Variants in ARHGEF12 observed in about 807,000 individuals in gnomAD.
ARHGEF12 encodes the protein Rho guanine nucleotide exchange factor 12.
In ARHGEF12, 66 loss-of-function variants were observed where a neutral mutation model predicts 211.2. The observed-to-expected ratio is 0.31, with a 90% confidence interval of 0.26 to 0.38. The LOEUF is 0.38. ARHGEF12 is among the 10% of genes least tolerant of loss of function. The probability of loss-of-function intolerance (pLI) is 1.00; values close to 1 mark genes in which losing one functional copy is unlikely to be tolerated. For missense variants in ARHGEF12, 1,429 were observed against 1,869.5 expected, an observed-to-expected ratio of 0.76 and a Z score of 4.34; for synonymous variants, 592 against 638.4, an observed-to-expected ratio of 0.93 and a Z score of 1.09.
chr11:120,337,361 C>T, intron 1 of ARHGEF12, 86 bp downstream of exon 1: 3 of 1,600,684 alleles, frequency 1.9e-6, no homozygotes, highest in Non-Finnish European at 2.6e-6. Flanking sequence ...TGCCTTTGGC[C>T]AGCGAAGTTG....
At chr11:120,463,621 G>A (rs1404621182) in intron 27 of ARHGEF12, 2 of 150,904 alleles carry the variant, frequency 1.3e-5, no homozygotes, top group South Asian at 4.2e-4. Context: ...GCTTTTTGTA[G>A]TTGTGTGGTG....
chr11:120,440,076 C>A, intron 12 of ARHGEF12, 53 bp from the exon 13 acceptor site: 4 of 1,312,700 alleles, frequency 3.0e-6, no homozygotes, highest in Non-Finnish European at 4.4e-6. Context: ...TATTCTTTTT[C>A]TAAATTTGAC....
At position 120,480,006 on chromosome 11, in the gene ARHGEF12, G is replaced by A. The variant is rs375035038; in HGVS notation, c.3813G>A (p.Glu1271=). 141 of 1,614,024 alleles carry A rather than the reference G, an allele frequency of 8.7e-5. No individual in the cohort carries two copies. The highest frequency in any genetic ancestry group is 1.2e-4 in the Non-Finnish European group (137 of 1,180,032). The part of the protein sequence containing the change: ...QLLVQQLGLT[E]KSVQEDWQHF... ...TGGTGCAACAGCTAGGTTTGACTGA[G>A]AAGAGCGTTCAGGAAGACTGGCAAC... Residue 1271 remains glutamate (E), a synonymous_variant, in exon 38 of 41, where the codon GAG becomes GAA. Transcript: ENST00000397843.
chr11:120,397,605 T>C (rs1944428688), intron 1 of ARHGEF12, among the ~76,000 whole-genome samples: 1 of 152,212 alleles, frequency 6.6e-6, no homozygotes, highest in South Asian at 2.1e-4. Flanking sequence ...CAAGAATTAT[T>C]TAGAACTATG....
At chr11:120,366,348 G>A (rs1017897044) in intron 1 of ARHGEF12, among the ~76,000 whole-genome samples, 2 of 152,118 alleles carry the variant, frequency 1.3e-5, no homozygotes, top group African/African-American at 4.8e-5. Flanking sequence ...AGTAGAGACA[G>A]GGTCTCACTA....
chr11:120,421,429 GTTTTTTTTTTTTGTTTT>G (rs1222329063), intron 5 of ARHGEF12, among the ~76,000 whole-genome samples: 1 of 79,858 alleles, frequency 1.3e-5, no homozygotes, highest in Non-Finnish European at 2.4e-5. Context: ...TTACAGCCTT[GTTTTTTTTTTTTGTTTT>G]TTTTTTTTTG....
chr11:120,458,154 C>T lies in ARHGEF12; in HGVS notation c.2300C>T (p.Pro767Leu), dbSNP rs758851913. The T allele has an allele frequency of 1.9e-6, 3 of 1,611,424 alleles. No homozygotes were observed. Among genetic ancestry groups the T allele is most frequent in the South Asian group, 1.1e-5 (1 of 90,200 alleles). ...QFENDLETDP[P>L]NWQQLVSREV... ...GAAAATGACTTAGAGACAGATCCAC[C>T]CAACTGGCAGCAGCTTGTTAGTCGA... Residue 767 changes from proline (P) to leucine (L), a missense_variant, in exon 25 of 41, where the codon CCC becomes CTC. Transcript: ENST00000397843.
chr11:120,438,975 C>T (rs1244982356), intron 12 of ARHGEF12: 3 of 152,136 alleles, frequency 2.0e-5, no homozygotes, highest in Non-Finnish European at 4.4e-5. Flanking sequence ...ACTTTGGCCT[C>T]CCAAGTAGCT....
Position 120,391,543 on chromosome 11 carries a change from T to C in ARHGEF12, c.33-14575T>C, listed in dbSNP as rs527380168. On this transcript the variant is annotated intron_variant, in intron 1 of 40. Transcript: ENST00000397843. ...TCTAGCCTATAAATGCTGTTCTGTC[T>C]CTGTGAAAAGCCCTGACATCAGCTC... is the stretch of plus-strand genomic sequence containing the variant. 7.9e-5 allele frequency among the ~76,000 whole-genome samples: 12 copies of C among 152,346 alleles called. No individual in the cohort carries two copies. In the South Asian group the frequency reaches 2.1e-3, roughly 26 times the overall value.
intron 18 of ARHGEF12, chr11:120,447,358 A>G: frequency 3.0e-6 from 1 of 334,074 alleles, no homozygotes; most frequent in Non-Finnish European, 5.4e-6. Flanking sequence ...ATTATTTTCA[A>G]TTTATAGGCC....
At chr11:120,377,598 G>A (rs1366624013) in intron 1 of ARHGEF12, among the ~76,000 whole-genome samples, 1 of 152,116 alleles carries the variant, frequency 6.6e-6, no homozygotes, top group Non-Finnish European at 1.5e-5. Flanking sequence ...CCCCTGCGAA[G>A]TGCTGGGATT....
At chr11:120,347,199 T>G (rs1404369869) in intron 1 of ARHGEF12, among the ~76,000 whole-genome samples, 9 of 133,324 alleles carry the variant, frequency 6.8e-5, no homozygotes, top group Admixed American at 2.2e-4. Context: ...TTTCTTTCTT[T>G]CTTTCTCTTT....
intron 31 of ARHGEF12, 39 bp from the exon 32 acceptor site, chr11:120,474,521 T>C: frequency 6.7e-7 from 1 of 1,482,338 alleles, no homozygotes; most frequent in Non-Finnish European, 9.4e-7. Flanking sequence ...TACTGAGTGC[T>C]TGGAAATTAT....
intron 6 of ARHGEF12, among the ~76,000 whole-genome samples, chr11:120,422,641 A>G (rs1945226200): frequency 1.3e-5 from 2 of 152,100 alleles, no homozygotes. Context: ...AATCCAAAAC[A>G]CTTCTTCTGG....
At chr11:120,422,511 A>C (rs748779440) in intron 6 of ARHGEF12, among the ~76,000 whole-genome samples, 5 of 152,234 alleles carry the variant, frequency 3.3e-5, no homozygotes, top group Non-Finnish European at 7.3e-5. Flanking sequence ...AAAATGTATA[A>C]AACTACCTTC....
At chr11:120,465,068 C>A in intron 27 of ARHGEF12, 169 bp from the exon 28 acceptor site, 1 of 805,730 alleles carries the variant, frequency 1.2e-6, no homozygotes, top group Non-Finnish European at 2.0e-6. Context: ...CTGGTTGTGT[C>A]AAGATCAGAC....
intron 23 of ARHGEF12, chr11:120,457,507 G>A (rs1946398332): frequency 2.3e-6 from 1 of 439,740 alleles, no homozygotes; most frequent in African/African-American, 2.0e-5. Flanking sequence ...TAAGTTGGGT[G>A]CATAAAAGAA....
intron 29 of ARHGEF12, among the ~76,000 whole-genome samples, chr11:120,468,166 G>C (rs928056965): frequency 2.6e-5 from 4 of 152,198 alleles, no homozygotes; most frequent in Non-Finnish European, 4.4e-5. Context: ...TTTCTCAGCT[G>C]AGCTTTAGGT....
chr11:120,429,574 T>C, intron 9 of ARHGEF12, 57 bp downstream of exon 9: 1 of 1,587,348 alleles, frequency 6.3e-7, no homozygotes, highest in East Asian at 2.2e-5. Flanking sequence ...GTGGGCATGG[T>C]TGAGTTGGTG....
Sources: gnomAD v4.1 joint callset for allele counts (sites outside exome capture counted in the v4.1 genomes callset) on GRCh38, gnomAD v4.1.1 for gene constraint, MANE v1.5 for transcripts, NCBI Gene and HGNC (gene_info 2026-07-23, HGNC 2026-07-21) for gene names.